Variants in B3GLCT observed in about 807,000 individuals in gnomAD.
The protein encoded by B3GLCT is beta 3-glucosyltransferase.
B3GLCT carries 65 observed loss-of-function variants against 63.4 expected under a neutral mutation model. The observed-to-expected ratio is 1.03, with a 90% CI of 0.84 to 1.26. The LOEUF (loss-of-function observed/expected upper bound fraction) is 1.26, where lower values mean the gene tolerates loss of function less well. Ranked by LOEUF, B3GLCT falls within the 50% of genes most tolerant of loss-of-function variation. The pLI is 0.00. For synonymous variants in B3GLCT, 233 were observed against 219.2 expected, an observed-to-expected ratio of 1.06 and a Z score of -0.55; for missense variants, 577 against 604.8, an observed-to-expected ratio of 0.95 and a Z score of 0.48.
chr13:31,213,371 C>T (rs1869375782), intron 1 of B3GLCT, among the ~76,000 whole-genome samples: 1 of 152,144 alleles, frequency 6.6e-6, no homozygotes, highest in Non-Finnish European at 1.5e-5. Context: ...GGGCGGCTTG[C>T]CTGAGCCCAG....
intron 1 of B3GLCT, among the ~76,000 whole-genome samples, chr13:31,207,234 A>G (rs779484690): frequency 2.6e-4 from 40 of 152,192 alleles, no homozygotes; most frequent in Non-Finnish European, 8.8e-5. Flanking sequence ...TAAGCCTGAC[A>G]GTTAACTGTT....
chr13:31,325,581 C>A (rs939864424), intron 14 of B3GLCT, among the ~76,000 whole-genome samples: 2 of 152,046 alleles, frequency 1.3e-5, no homozygotes, highest in South Asian at 4.1e-4. Context: ...GTTGTTGTTT[C>A]CCCCACTTTA....
rs57094878 is a variant in B3GLCT at position 31,328,717 on chromosome 13, A to AAC, written c.1330-784_1330-783insAC. Among the ~76,000 whole-genome samples, 26 of 149,592 alleles carry AAC rather than the reference A, an allele frequency of 1.7e-4. No individual in the cohort carries two copies. In the East Asian group the frequency reaches 4.5e-3, roughly 26 times the overall value. On this transcript the variant is annotated intron_variant, in intron 14 of 14. Coordinates refer to ENST00000343307, the MANE Select transcript of B3GLCT (RefSeq NM_194318.4). Reference sequence around the variant, plus strand: ...CAAAAAAAAAAAAAAAAAAAAAAAAAGGTTTACCGAGAGAAACTGGATACT... The same window carrying AAC: ...CAAAAAAAAAAAAAAAAAAAAAAAAAACGGTTTACCGAGAGAAACTGGATACT...
At chr13:31,315,324 T>C (rs1874941055) in intron 12 of B3GLCT, among the ~76,000 whole-genome samples, 1 of 152,182 alleles carries the variant, frequency 6.6e-6, no homozygotes, top group Non-Finnish European at 1.5e-5. Context: ...AAGTCCAGGC[T>C]GAGATGGTTT....
chr13:31,272,516 C>T (rs1475765290), intron 8 of B3GLCT, among the ~76,000 whole-genome samples: 1 of 151,664 alleles, frequency 6.6e-6, no homozygotes, highest in Non-Finnish European at 1.5e-5. Context: ...GTGCCCGGCC[C>T]CTCTATTTTT....
In B3GLCT at chr13:31,247,085, T is replaced by C. The variant is rs1264610891; in HGVS notation, c.333T>C (p.Leu111=). 6.2e-7 allele frequency: 1 copy of C among 1,613,422 alleles called. No individual in the cohort carries two copies. The highest frequency in any genetic ancestry group is 1.1e-5 in the South Asian group (1 of 91,044). The change falls in exon 5 of 15, where the codon CTT becomes CTC. Residue 111 remains leucine, a synonymous_variant. Transcript: ENST00000343307. ...AACAAGAAGGTGCATGGACCATACT[T>C]CCGTTGTTACCGCAGTACGTTTGTT... ...LAKQEGAWTI[L]PLLPHFSVTY...
chr13:31,266,959 C>T (rs868460189), intron 7 of B3GLCT, among the ~76,000 whole-genome samples: 40 of 152,006 alleles, frequency 2.6e-4, no homozygotes, highest in African/African-American at 8.2e-4. Flanking sequence ...TTAGTAGAGA[C>T]GGGGTTTCAC....
Position 31,226,901 on chromosome 13 carries a change from A to G in B3GLCT, c.161-2284A>G, listed in dbSNP as rs1324702087. 3.3e-5 allele frequency among the ~76,000 whole-genome samples: 5 copies of G among 152,240 alleles called. No individual in the cohort carries two copies. In the East Asian group the frequency reaches 9.6e-4, roughly 29 times the overall value. On this transcript the variant is annotated intron_variant, in intron 3 of 14. Coordinates refer to ENST00000343307, the MANE Select transcript of B3GLCT (RefSeq NM_194318.4). ...CTAGATTAAGAAATTAAATACCATT[A>G]ACACAGCTGAAACCTTTTAACCATT...
rs775363469 is a variant in B3GLCT at position 31,286,822 on chromosome 13, A to C, written c.1064+3A>C. On this transcript the variant is annotated splice_donor_region_variant and intron_variant, in intron 12 of 14. Transcript: ENST00000343307. ...GTGGATGATGATACATTAATAAGGTAAGGAGTCATTCTCATCCTAAATGGC... is the reference window on the plus strand; with the variant it reads ...GTGGATGATGATACATTAATAAGGTCAGGAGTCATTCTCATCCTAAATGGC... The C allele has an allele frequency of 9.4e-6, 15 of 1,592,212 alleles. No homozygotes were observed. In the South Asian group the frequency reaches 1.6e-4, roughly 17 times the overall value.
At chr13:31,266,545 T>G (rs1267283763) in intron 7 of B3GLCT, among the ~76,000 whole-genome samples, 3 of 152,182 alleles carry the variant, frequency 2.0e-5, no homozygotes, top group African/African-American at 7.2e-5. Flanking sequence ...TATTGCCTTT[T>G]AAGTTAGTTG....
chr13:31,221,391 C>T (rs1441281461), intron 2 of B3GLCT, among the ~76,000 whole-genome samples: 14 of 152,188 alleles, frequency 9.2e-5, no homozygotes, highest in African/African-American at 3.4e-4. Context: ...TAGAGTAAGT[C>T]TGCGCATGCT....
chr13:31,215,600 G>T lies in B3GLCT; in HGVS notation c.120+500G>T, dbSNP rs142898176. On this transcript the variant is annotated intron_variant, in intron 2 of 14. Transcript: ENST00000343307. The stretch of plus-strand genomic sequence containing the variant: ...GGCTAATTTTTGCGTTTTTAGTGGA[G>T]ACGGGGTTTCATCATGTTGCCCAGG... Among the ~76,000 whole-genome samples the T allele has an allele frequency of 1.2e-3, 190 of 152,192 alleles. No individual in the cohort carries two copies. In the East Asian group the frequency reaches 0.035, roughly 28 times the overall value.
At chr13:31,255,953 T>G (rs182321188) in intron 6 of B3GLCT, among the ~76,000 whole-genome samples, 1 of 152,268 alleles carries the variant, frequency 6.6e-6, no homozygotes, top group East Asian at 1.9e-4. Flanking sequence ...TGGCATCTGA[T>G]TAAACTAAAG....
chr13:31,276,880 T>A (rs1312275434), intron 10 of B3GLCT, 109 bp downstream of exon 10: 32 of 834,166 alleles, frequency 3.8e-5, no homozygotes, highest in Middle Eastern at 3.0e-4. Context: ...TAATGACAAT[T>A]CGGATGTTGA....
chr13:31,272,309 G>A (rs1872604686), intron 8 of B3GLCT, among the ~76,000 whole-genome samples: 1 of 149,816 alleles, frequency 6.7e-6, no homozygotes, highest in East Asian at 2.0e-4. Context: ...TCCACATCCT[G>A]GGTTCAAGCA....
At chr13:31,248,080 A>T in intron 6 of B3GLCT, 114 bp downstream of exon 6, 1 of 667,382 alleles carries the variant, frequency 1.5e-6, no homozygotes, top group Non-Finnish European at 2.7e-6. Flanking sequence ...TTAAAATTAA[A>T]AAGAATGAAA....
At chr13:31,296,387 G>T (rs1356985503) in intron 12 of B3GLCT, among the ~76,000 whole-genome samples, 1 of 152,218 alleles carries the variant, frequency 6.6e-6, no homozygotes, top group Non-Finnish European at 1.5e-5. Context: ...CTCTTGGGTT[G>T]CAGGCTGCTG....
At chr13:31,255,165 A>C (rs1219465568) in intron 6 of B3GLCT, among the ~76,000 whole-genome samples, 1 of 152,186 alleles carries the variant, frequency 6.6e-6, no homozygotes, top group East Asian at 1.9e-4. Context: ...CCAATAACAG[A>C]CAGAGAGCCA....
intron 4 of B3GLCT, among the ~76,000 whole-genome samples, chr13:31,231,489 C>T (rs997086533): frequency 2.0e-5 from 3 of 152,190 alleles, no homozygotes; most frequent in South Asian, 2.1e-4. Context: ...ATACGAATAG[C>T]GACGCCCCTT....
Sources: gnomAD v4.1 joint callset for allele counts (sites outside exome capture counted in the v4.1 genomes callset) on GRCh38, gnomAD v4.1.1 for gene constraint, MANE v1.5 for transcripts, NCBI Gene and HGNC (gene_info 2026-07-23, HGNC 2026-07-21) for gene names.